The following KIF17 variants were observed in gnomAD, a reference collection of about 807,000 sequenced individuals.
The protein encoded by KIF17 is kinesin-like protein KIF17.
Under a neutral mutation model 96.8 loss-of-function variants are expected in KIF17, and 80 were observed. The observed-to-expected ratio is 0.83, with a 90% CI of 0.69 to 1.00. KIF17 has a LOEUF of 1.00. Ranked by LOEUF, KIF17 falls within the 50% of genes least tolerant of loss-of-function variation. KIF17 has a pLI of 0.00. For synonymous variants in KIF17, 567 were observed against 587.5 expected, an observed-to-expected ratio of 0.97 and a Z score of 0.51; for missense variants, 1,280 against 1,372.9, an observed-to-expected ratio of 0.93 and a Z score of 1.07.
At chr1:20,689,468 T>C (rs530118886) in intron 7 of KIF17, among the ~76,000 whole-genome samples, 1 of 152,214 alleles carries the variant, frequency 6.6e-6, no homozygotes, top group African/African-American at 2.4e-5. Flanking sequence ...CTGGCCAACA[T>C]GACGAAATCC....
At chr1:20,702,657 T>A (rs2054257438) in intron 5 of KIF17, among the ~76,000 whole-genome samples, 1 of 151,868 alleles carries the variant, frequency 6.6e-6, no homozygotes, top group African/African-American at 2.4e-5. Flanking sequence ...CACCTTAGAG[T>A]TTTATGCATC....
chr1:20,671,732 A>G (rs910301656), intron 12 of KIF17, among the ~76,000 whole-genome samples: 1 of 152,222 alleles, frequency 6.6e-6, no homozygotes, highest in African/African-American at 2.4e-5. Flanking sequence ...AAGGGCACAC[A>G]GGGAACGGTG....
chr1:20,677,029 G>T (rs545501077), intron 11 of KIF17, among the ~76,000 whole-genome samples: 1 of 151,470 alleles, frequency 6.6e-6, no homozygotes, highest in South Asian at 2.1e-4. Flanking sequence ...TGCGCAACAT[G>T]GTGAAACCCC....
chr1:20,692,828 C>T, intron 6 of KIF17: 1 of 150,358 alleles, frequency 6.7e-6, no homozygotes. Flanking sequence ...AGCTGTAGTG[C>T]AGTGGTGTGA....
Position 20,690,327 on chromosome 1 carries a change from T to C in KIF17, c.1242A>G (p.Glu414=), listed in dbSNP as rs2154536287. The C allele has an allele frequency of 2.2e-6, 2 of 923,148 alleles. No individual in the cohort carries two copies. The highest frequency in any genetic ancestry group is 9.9e-5 in the East Asian group (2 of 20,186). 57.2% of individuals were successfully genotyped at this position (923,148 alleles called of 1,614,324 possible). A position where few individuals can be genotyped will look rare whatever the true frequency, so the allele number is the denominator to read the frequency against. ...AEKQLIREEY[E]ERLARLKADY... is the part of the protein sequence containing the mutation. Reference sequence around the variant, plus strand: ...CGGCTTTCAGCCGGGCCAGGCGCTCTTCATACTCCTGGGGGGGTGGGAGGG... The same window carrying C: ...CGGCTTTCAGCCGGGCCAGGCGCTCCTCATACTCCTGGGGGGGTGGGAGGG... The change falls in exon 7 of 15, where the codon GAA becomes GAG. Residue 414 remains glutamate (E), a synonymous_variant. Transcript: ENST00000400463.
intron 7 of KIF17, among the ~76,000 whole-genome samples, chr1:20,688,517 AT>A (rs1247149028): frequency 6.6e-6 from 1 of 151,924 alleles, no homozygotes; most frequent in Non-Finnish European, 1.5e-5. Flanking sequence ...GGATTCCTCC[AT>A]TTTCTGACCT....
intron 2 of KIF17, among the ~76,000 whole-genome samples, chr1:20,713,977 A>G (rs2054529757): frequency 6.6e-6 from 1 of 152,062 alleles, no homozygotes; most frequent in East Asian, 1.9e-4. Context: ...ACCTGAGGTC[A>G]GGAGTTCGAG....
intron 13 of KIF17, among the ~76,000 whole-genome samples, chr1:20,668,010 C>CAA (rs796242617): frequency 3.4e-5 from 4 of 119,318 alleles, no homozygotes; most frequent in Non-Finnish European, 3.5e-5. Context: ...AACTCTGTCT[C>CAA]AAAAAAAAAA....
At chr1:20,665,603 G>A (rs1474047462) in intron 14 of KIF17, among the ~76,000 whole-genome samples, 1 of 151,854 alleles carries the variant, frequency 6.6e-6, no homozygotes, top group Non-Finnish European at 1.5e-5. Context: ...GTTTCACCAT[G>A]TTGGCCAGGC....
At chr1:20,666,460 G>C in intron 13 of KIF17, 129 bp from the exon 14 acceptor site, 1 of 801,400 alleles carries the variant, frequency 1.2e-6, no homozygotes, top group African/African-American at 1.7e-5. Context: ...CAGGGCTGGA[G>C]CAGGCACTGC....
chr1:20,671,828 T>C, intron 12 of KIF17, 110 bp downstream of exon 12: 1 of 1,337,632 alleles, frequency 7.5e-7, no homozygotes, highest in Non-Finnish European at 1.0e-6. Flanking sequence ...CAGGGTCACG[T>C]GTCTTCTACA....
chr1:20,704,544 A>G lies in KIF17; in HGVS notation c.1026T>C (p.Asn342=), dbSNP rs2154537232. 1.9e-6 allele frequency: 3 copies of G among 1,614,104 alleles called. No homozygotes were observed. Among genetic ancestry groups the G allele is most frequent in the Non-Finnish European group, 2.5e-6 (3 of 1,180,018 alleles). The change falls in exon 5 of 15, where the codon AAT becomes AAC. Residue 342 remains asparagine (N), a synonymous_variant. Coordinates refer to ENST00000400463, the MANE Select transcript of KIF17 (RefSeq NM_001122819.3). This position sits in a 1 kb window ranked among gnomAD's most constrained non-coding sequence, Gnocchi z 6.8. The stretch of plus-strand genomic sequence containing the variant: ...GAAGCAGCGCATCCTTGGGGTCCTC[A>G]TTGATGCGCGGCTTGTTCCTGATGT... ...AKNIRNKPRI[N]EDPKDALLRE...
chr1:20,682,865 G>C lies in KIF17; in HGVS notation c.2251C>G (p.Gln751Glu), dbSNP rs146864100. The change falls in exon 11 of 15, where the codon CAG becomes GAG. Residue 751 changes from glutamine (Q) to glutamate (E), a missense_variant. Coordinates refer to ENST00000400463, the MANE Select transcript of KIF17 (RefSeq NM_001122819.3). ...TTGGCCTGCTCTCCACCCACAACCTGCTGCTCCAACAGCTGCAGACTGCCG... is the reference window on the plus strand; with the variant it reads ...TTGGCCTGCTCTCCACCCACAACCTCCTGCTCCAACAGCTGCAGACTGCCG... Reference protein sequence around the residue: ...VLARLQLLEQQVVGGEQAKNK... With the variant: ...VLARLQLLEQEVVGGEQAKNK... 7.1e-5 allele frequency: 114 copies of C among 1,611,080 alleles called. No homozygotes were observed. The highest frequency in any genetic ancestry group is 8.6e-5 in the Non-Finnish European group (101 of 1,179,816).
At position 20,717,740 on chromosome 1, in the gene KIF17, G is replaced by C. The variant is rs1436269931; in HGVS notation, c.-34C>G. 21 of 1,523,584 alleles carry C rather than the reference G, an allele frequency of 1.4e-5. No homozygotes were observed. Among genetic ancestry groups the C allele is most frequent in the Non-Finnish European group, 1.8e-5 (21 of 1,142,502 alleles). The allele number at this position is 1,523,584 out of a possible 1,614,324, so 94.4% of individuals were successfully genotyped here. A position where few individuals can be genotyped will look rare whatever the true frequency, so the allele number is the denominator to read the frequency against. On this transcript the variant is annotated 5_prime_UTR_variant, in exon 1 of 15. Coordinates refer to ENST00000400463, the MANE Select transcript of KIF17 (RefSeq NM_001122819.3). ...GCCCAGGACCAACGGGACCAGAGCTGACCCCCGCCCCGCCGGGGACTCCCA... is the reference window on the plus strand; with the variant it reads ...GCCCAGGACCAACGGGACCAGAGCTCACCCCCGCCCCGCCGGGGACTCCCA...
chr1:20,686,920 G>A (rs961553586), intron 8 of KIF17, among the ~76,000 whole-genome samples: 29 of 152,184 alleles, frequency 1.9e-4, no homozygotes, highest in African/African-American at 6.8e-4. Flanking sequence ...TGTTGGTCAG[G>A]GGGCCAGATG....
At chr1:20,683,751 C>T (rs2154535823) in intron 10 of KIF17, among the ~76,000 whole-genome samples, 1 of 152,360 alleles carries the variant, frequency 6.6e-6, no homozygotes, top group East Asian at 1.9e-4. Context: ...CCTCTATCTC[C>T]CCTGCACCCC....
At chr1:20,679,037 T>G (rs1570440515) in intron 11 of KIF17, among the ~76,000 whole-genome samples, 1 of 146,964 alleles carries the variant, frequency 6.8e-6, no homozygotes, top group African/African-American at 2.5e-5. Context: ...TGCAGCCAGG[T>G]GCAGTGGCTG....
At position 20,709,563 on chromosome 1, in the gene KIF17, C is replaced by G. The variant is rs878876216; in HGVS notation, c.670+76G>C. The G allele has an allele frequency of 9.0e-6, 14 of 1,548,020 alleles. No homozygotes were observed. Among genetic ancestry groups the G allele is most frequent in the Non-Finnish European group, 1.2e-5 (13 of 1,120,694 alleles). On this transcript the variant is annotated intron_variant, in intron 4 of 14. Transcript: ENST00000400463. This position sits in a 1 kb window ranked among gnomAD's most constrained non-coding sequence, Gnocchi z 4.7. ...CACTTTCCAGGGGCTCCTGCGGCCC[C>G]GAGAGGTGGCGTGCCTTGGCTAGTG...
chr1:20,676,090 G>A (rs1334970531), intron 11 of KIF17, among the ~76,000 whole-genome samples: 1 of 152,064 alleles, frequency 6.6e-6, no homozygotes, highest in Non-Finnish European at 1.5e-5. Flanking sequence ...CATGTACCAA[G>A]ATAAACTCTA....
Sources: allele counts gnomAD v4.1 joint callset (sites outside exome capture counted in the v4.1 genomes callset), GRCh38; gene constraint gnomAD v4.1.1; non-coding constraint Gnocchi (gnomAD v3.1); transcripts MANE v1.5; gene names NCBI Gene and HGNC (gene_info 2026-07-23, HGNC 2026-07-21).